The following GLI2 variants were observed in gnomAD, a reference collection of about 807,000 sequenced individuals.
GLI2 encodes the protein transcription activator GLI2.
In GLI2, 22 loss-of-function variants were observed where a neutral mutation model predicts 78.9. That is an observed-to-expected ratio of 0.28 (90% CI 0.20 to 0.40). The LOEUF (loss-of-function observed/expected upper bound fraction) is 0.40, where lower values mean the gene tolerates loss of function less well. Among genes scored for constraint, GLI2 ranks in the 10% least tolerant of loss-of-function variants. The pLI is 1.00. For synonymous variants in GLI2, 974 were observed against 963.7 expected (o/e 1.01, Z -0.20); for missense variants, 2,097 against 2,213.2 (o/e 0.95, Z 1.05).
chr2:120,809,041 A>G (rs1046088074), intron 2 of GLI2, among the ~76,000 whole-genome samples: 5 of 152,186 alleles, frequency 3.3e-5, no homozygotes, highest in Non-Finnish European at 7.3e-5. Context: ...TTGAAAACCT[A>G]TGTGCACACA....
chr2:120,975,751 G>A lies in GLI2; in HGVS notation c.1317+642G>A, dbSNP rs148557542. ...TCATTCCAAACTCTCATACTGCAGC[G>A]TCCCTTATATGGCAGTTAGGGGTGA... is the stretch of plus-strand genomic sequence containing the variant. On this transcript the variant is annotated intron_variant, in intron 9 of 13. Transcript: ENST00000361492. Among the ~76,000 whole-genome samples the A allele has an allele frequency of 5.7e-3, 864 of 152,250 alleles. 11 individuals carry two copies. Among genetic ancestry groups the A allele is most frequent in the Non-Finnish European group, 4.2e-3 (283 of 68,024 alleles).
At chr2:120,830,768 C>T (rs1686321396) in intron 2 of GLI2, among the ~76,000 whole-genome samples, 1 of 152,162 alleles carries the variant, frequency 6.6e-6, no homozygotes, top group Non-Finnish European at 1.5e-5. Flanking sequence ...ACCATGTTCC[C>T]TCTGTTTTCT....
intron 2 of GLI2, among the ~76,000 whole-genome samples, chr2:120,914,013 G>GGGAA (rs1558878334): frequency 2.6e-5 from 4 of 152,252 alleles, no homozygotes; most frequent in Non-Finnish European, 5.9e-5. Context: ...GGGCTCTGCA[G>GGGAA]GGAAGGGGCT....
chr2:120,785,727 G>T (rs1683979232), intron 1 of GLI2, among the ~76,000 whole-genome samples: 1 of 152,164 alleles, frequency 6.6e-6, no homozygotes, highest in Non-Finnish European at 1.5e-5. Context: ...CTTGGATCCT[G>T]GTATGCTCCC....
chr2:120,879,791 G>A (rs986106342), intron 2 of GLI2, among the ~76,000 whole-genome samples: 1 of 152,200 alleles, frequency 6.6e-6, no homozygotes, highest in Non-Finnish European at 1.5e-5. Flanking sequence ...CTCTGCACGC[G>A]CCTGTTCTAA....
At chr2:120,944,673 C>G (rs1431877971) in intron 3 of GLI2, among the ~76,000 whole-genome samples, 1 of 152,240 alleles carries the variant, frequency 6.6e-6, no homozygotes, top group Non-Finnish European at 1.5e-5. Context: ...AGTGCCCAAT[C>G]CAACTTCACA....
intron 1 of GLI2, among the ~76,000 whole-genome samples, chr2:120,757,636 C>T (rs1163721719): frequency 6.6e-6 from 1 of 152,244 alleles, no homozygotes; most frequent in African/African-American, 2.4e-5. Flanking sequence ...TGCAAGTTCA[C>T]CAATGTTCCC....
At chr2:120,797,241 C>T (rs533742266) in intron 1 of GLI2, 50 bp from the exon 2 acceptor site, 34 of 1,470,548 alleles carry the variant, frequency 2.3e-5, no homozygotes, top group South Asian at 1.0e-4. Flanking sequence ...CGGCGTTTCC[C>T]GGCTGGGTTT....
At chr2:120,748,126 T>G (rs190899540) in intron 1 of GLI2, among the ~76,000 whole-genome samples, 1 of 152,302 alleles carries the variant, frequency 6.6e-6, no homozygotes, top group East Asian at 1.9e-4. Context: ...AAAGGCATGA[T>G]CTGGAAAGGC....
At chr2:120,752,924 C>T (rs919920927) in intron 1 of GLI2, among the ~76,000 whole-genome samples, 5 of 152,116 alleles carry the variant, frequency 3.3e-5, no homozygotes, top group Non-Finnish European at 5.9e-5. Context: ...ATGGTTATAC[C>T]ATCGGTTATT....
intron 1 of GLI2, among the ~76,000 whole-genome samples, chr2:120,781,605 A>C (rs551348819): frequency 5.5e-4 from 84 of 151,830 alleles, no homozygotes; most frequent in Admixed American, 3.6e-3. Context: ...ATTACCGGCC[A>C]GGTGCGGTGG....
At chr2:120,955,984 GGGGTCTT>G (rs1301177536) in intron 5 of GLI2, among the ~76,000 whole-genome samples, 1 of 152,148 alleles carries the variant, frequency 6.6e-6, no homozygotes, top group Non-Finnish European at 1.5e-5. Flanking sequence ...GTTTCCAGGT[GGGGTCTT>G]GCCAGCCAGT....
intron 2 of GLI2, among the ~76,000 whole-genome samples, chr2:120,923,760 C>T (rs986938375): frequency 6.6e-6 from 1 of 151,604 alleles, no homozygotes; most frequent in African/African-American, 2.4e-5. Context: ...ACTGCACATA[C>T]TCACACATGC....
At chr2:120,911,446 C>T (rs889997387) in intron 2 of GLI2, among the ~76,000 whole-genome samples, 3 of 150,952 alleles carry the variant, frequency 2.0e-5, no homozygotes, top group Admixed American at 6.6e-5. Context: ...AGGGCCAGTG[C>T]GTGGCTGACT....
rs1056173088 is a variant in GLI2, at chr2:120,953,394, C to T, written c.458-1851C>T. Among the ~76,000 whole-genome samples the T allele has an allele frequency of 2.6e-5, 4 of 152,200 alleles. No homozygotes were observed. In the East Asian group the frequency reaches 7.7e-4, roughly 29 times the overall value. On this transcript the variant is annotated intron_variant, in intron 4 of 13. Coordinates refer to ENST00000361492, the MANE Select transcript of GLI2 (RefSeq NM_001374353.1). ...TCCCCTTGAGCCTCTGGAGGGAGTG[C>T]GGCCCTGCCAGCACCTTAATTTCAG...
intron 2 of GLI2, among the ~76,000 whole-genome samples, chr2:120,914,996 C>T (rs563289392): frequency 1.0e-3 from 154 of 152,314 alleles, no homozygotes; most frequent in African/African-American, 3.3e-3. Flanking sequence ...GCCTGGCTCC[C>T]GAGCGGCCAG....
Position 120,990,092 on chromosome 2 carries a change from T to G in GLI2, c.4127T>G (p.Leu1376Arg), listed in dbSNP as rs778605920. The G allele has an allele frequency of 1.1e-5, 17 of 1,598,534 alleles. No homozygotes were observed. The Middle Eastern group carries it at 1.0e-3, about 94-fold the overall frequency. Residue 1376 changes from leucine to arginine, a missense_variant, in exon 14 of 14, where the codon CTG (leucine) becomes CGG (arginine). Leu to Arg is a moderately radical substitution (Grantham distance 102). This residue lies in a region of GLI2 where 1,290 missense variants were observed against 1,261.7 expected (regional missense o/e 1.02). Coordinates refer to ENST00000361492, the MANE Select transcript of GLI2 (RefSeq NM_001374353.1). ...HRGVRAVQQQLAYARATGHAM... is the reference protein window; with the variant it reads ...HRGVRAVQQQRAYARATGHAM... Reference sequence around the variant, plus strand: ...GGGGTACGTGCTGTGCAGCAGCAGCTGGCCTACGCCAGGGCCACAGGCCAT... The same window carrying G: ...GGGGTACGTGCTGTGCAGCAGCAGCGGGCCTACGCCAGGGCCACAGGCCAT...
intron 1 of GLI2, among the ~76,000 whole-genome samples, chr2:120,762,949 G>C (rs956804829): frequency 1.3e-5 from 2 of 152,232 alleles, no homozygotes; most frequent in Non-Finnish European, 1.5e-5. Flanking sequence ...GGACTCGAGA[G>C]GACTTTGAGG....
At chr2:120,973,160 G>A (rs1022097550) in intron 8 of GLI2, among the ~76,000 whole-genome samples, 1 of 152,230 alleles carries the variant, frequency 6.6e-6, no homozygotes, top group Non-Finnish European at 1.5e-5. Context: ...TTATCGTCAA[G>A]CAAGCAGAGA....
Sources: allele counts gnomAD v4.1 joint callset (sites outside exome capture counted in the v4.1 genomes callset), GRCh38; gene constraint gnomAD v4.1.1; regional missense constraint gnomAD v4.1.1; transcripts MANE v1.5; gene names NCBI Gene and HGNC (gene_info 2026-07-23, HGNC 2026-07-21).